JAKMIP2: variants seen among roughly 807,000 people sequenced by gnomAD.
JAKMIP2 encodes the protein janus kinase and microtubule-interacting protein 2.
A neutral mutation model predicts 115.0 loss-of-function variants in JAKMIP2; 25 were observed. The observed-to-expected ratio is 0.22, with a 90% CI of 0.16 to 0.30. The LOEUF (loss-of-function observed/expected upper bound fraction) is 0.30. Ranked by LOEUF, JAKMIP2 falls within the 10% of genes least tolerant of loss-of-function variation. JAKMIP2 has a pLI of 1.00. For synonymous variants in JAKMIP2, 334 were observed against 343.6 expected, an observed-to-expected ratio of 0.97 and a Z score of 0.31; for missense variants, 642 against 957.6, an observed-to-expected ratio of 0.67 and a Z score of 4.35.
intron 1 of JAKMIP2, among the ~76,000 whole-genome samples, chr5:147,715,250 A>G (rs1166200774): frequency 1.3e-5 from 2 of 152,062 alleles, no homozygotes; most frequent in African/African-American, 2.4e-5. Context: ...AAATTAATGT[A>G]GAGCCATTTG....
intron 2 of JAKMIP2, 104 bp from the exon 3 acceptor site, chr5:147,661,549 C>T (rs968432890): frequency 8.3e-7 from 1 of 1,206,802 alleles, no homozygotes; most frequent in African/African-American, 1.5e-5. Context: ...CTTAATTCCT[C>T]ATCTCTTTTC....
At chr5:147,615,016 T>C (rs1342394140) in intron 19 of JAKMIP2, among the ~76,000 whole-genome samples, 1 of 152,184 alleles carries the variant, frequency 6.6e-6, no homozygotes, top group Non-Finnish European at 1.5e-5. Flanking sequence ...ATACACATTG[T>C]ATACGTTTCT....
intron 2 of JAKMIP2, among the ~76,000 whole-genome samples, chr5:147,666,699 G>T (rs1165966420): frequency 6.6e-6 from 1 of 152,288 alleles, no homozygotes; most frequent in Non-Finnish European, 1.5e-5. Context: ...CTCCTTGTTT[G>T]CTCTGAAACC....
chr5:147,620,056 C>G (rs1463320777), intron 18 of JAKMIP2, among the ~76,000 whole-genome samples: 2 of 151,998 alleles, frequency 1.3e-5, no homozygotes, highest in East Asian at 1.9e-4. Context: ...CCAAACTGTT[C>G]TTCATTTAAT....
intron 10 of JAKMIP2, among the ~76,000 whole-genome samples, chr5:147,637,591 CACCACG>C (rs1757686070): frequency 6.6e-6 from 1 of 151,962 alleles, no homozygotes; most frequent in African/African-American, 2.4e-5. Context: ...AGGCACCGGC[CACCACG>C]CCCAGCTAAT....
At position 147,701,541 on chromosome 5, in the gene JAKMIP2, T is replaced by C. The variant is rs539714285; in HGVS notation, c.-148-29587A>G. Among the ~76,000 whole-genome samples, 10 of 152,284 alleles carry C rather than the reference T, an allele frequency of 6.6e-5. No individual in the cohort carries two copies. In the South Asian group the frequency reaches 2.1e-3, roughly 32 times the overall value. On this transcript the variant is annotated intron_variant, in intron 1 of 21. Coordinates refer to ENST00000616793, the MANE Select transcript of JAKMIP2 (RefSeq NM_001270941.2). Reference sequence around the variant, plus strand: ...CTTGACCCTCATCAATCTTTGATCATTGGGAGCACTGGCCTTTCAGCCAAT... The same window carrying C: ...CTTGACCCTCATCAATCTTTGATCACTGGGAGCACTGGCCTTTCAGCCAAT...
chr5:147,749,528 C>A (rs1754474818), intron 1 of JAKMIP2, among the ~76,000 whole-genome samples: 1 of 152,322 alleles, frequency 6.6e-6, no homozygotes, highest in African/African-American at 2.4e-5. Context: ...TTAGTGGTAG[C>A]TACTTCTGTG....
intron 1 of JAKMIP2, among the ~76,000 whole-genome samples, chr5:147,706,547 A>G (rs1752567502): frequency 6.6e-6 from 1 of 152,196 alleles, no homozygotes; most frequent in South Asian, 2.1e-4. Context: ...TTAAAAAAGA[A>G]AGCAAAAAAT....
chr5:147,681,244 G>T (rs190562089), intron 1 of JAKMIP2, among the ~76,000 whole-genome samples: 1 of 152,250 alleles, frequency 6.6e-6, no homozygotes, highest in Admixed American at 6.5e-5. Context: ...CTTTAAGGGG[G>T]ACTGCCAGGA....
chr5:147,753,812 AT>A (rs34633628), intron 1 of JAKMIP2, among the ~76,000 whole-genome samples: 25,750 of 141,332 alleles, frequency 0.18, 2,272 homozygotes, highest in African/African-American at 0.25. Flanking sequence ...AGCAGAATGT[AT>A]TTTTTTTTTT....
At chr5:147,691,723 G>A (rs892703239) in intron 1 of JAKMIP2, among the ~76,000 whole-genome samples, 5 of 152,158 alleles carry the variant, frequency 3.3e-5, no homozygotes, top group Admixed American at 3.3e-4. Flanking sequence ...TGACTCAAGG[G>A]CACATGAGGG....
At chr5:147,667,943 G>A (rs1440117562) in intron 2 of JAKMIP2, among the ~76,000 whole-genome samples, 1 of 152,152 alleles carries the variant, frequency 6.6e-6, no homozygotes, top group African/African-American at 2.4e-5. Flanking sequence ...CCATCTTACA[G>A]AAGACAGGAA....
At chr5:147,780,275 A>G (rs1755710121) in intron 1 of JAKMIP2, among the ~76,000 whole-genome samples, 1 of 152,148 alleles carries the variant, frequency 6.6e-6, no homozygotes, top group Admixed American at 6.5e-5. Context: ...GAAACAGGCT[A>G]TCTACAAGGA....
chr5:147,720,031 T>G (rs1426820325), intron 1 of JAKMIP2, among the ~76,000 whole-genome samples: 5 of 152,058 alleles, frequency 3.3e-5, no homozygotes, highest in African/African-American at 1.2e-4. Context: ...GGAGCTCTTT[T>G]AGGGCAGGCC....
At chr5:147,626,626 A>T (rs1026058171) in intron 16 of JAKMIP2, among the ~76,000 whole-genome samples, 2 of 152,166 alleles carry the variant, frequency 1.3e-5, no homozygotes, top group Admixed American at 6.5e-5. Flanking sequence ...TGCCTATCTC[A>T]AAAGGAGCAC....
At chr5:147,611,679 C>G (rs1360311702) in intron 20 of JAKMIP2, among the ~76,000 whole-genome samples, 2 of 152,132 alleles carry the variant, frequency 1.3e-5, no homozygotes, top group Non-Finnish European at 2.9e-5. Flanking sequence ...GTTGTGCAAG[C>G]CTGTGTAGCT....
At chr5:147,755,307 T>C (rs888528300) in intron 1 of JAKMIP2, among the ~76,000 whole-genome samples, 7 of 152,162 alleles carry the variant, frequency 4.6e-5, no homozygotes, top group South Asian at 4.1e-4. Flanking sequence ...TACATATTGA[T>C]TGATGTCTCA....
intron 1 of JAKMIP2, among the ~76,000 whole-genome samples, chr5:147,689,553 GTT>G (rs1165890774): frequency 6.6e-6 from 1 of 152,144 alleles, no homozygotes; most frequent in Non-Finnish European, 1.5e-5. Context: ...TTGGGTGGAT[GTT>G]TCATCAGAAT....
At chr5:147,710,667 G>C (rs917336101) in intron 1 of JAKMIP2, among the ~76,000 whole-genome samples, 1 of 152,148 alleles carries the variant, frequency 6.6e-6, no homozygotes, top group South Asian at 2.1e-4. Context: ...CTGCATAAAG[G>C]AATGTTGTAG....
Sources: gnomAD v4.1 joint callset for allele counts (sites outside exome capture counted in the v4.1 genomes callset) on GRCh38, gnomAD v4.1.1 for gene constraint, MANE v1.5 for transcripts, NCBI Gene and HGNC (gene_info 2026-07-23, HGNC 2026-07-21) for gene names.